The following FAM149B1 variants were observed in gnomAD, a reference collection of about 807,000 sequenced individuals.
FAM149B1 encodes the protein family with sequence similarity 149 member B1, also known as primary cilium assembly protein FAM149B1.
A neutral mutation model predicts 75.3 loss-of-function variants in FAM149B1; 56 were observed. That is an observed-to-expected ratio of 0.74 (90% CI 0.60 to 0.93). FAM149B1 has a LOEUF of 0.93. Ranked by LOEUF, FAM149B1 falls within the 40% of genes least tolerant of loss-of-function variation. FAM149B1 has a pLI of 0.00. For synonymous variants in FAM149B1, 259 were observed against 256.1 expected, an observed-to-expected ratio of 1.01 and a Z score of -0.11; for missense variants, 639 against 708.4, an observed-to-expected ratio of 0.90 and a Z score of 1.11.
Position 73,168,178 on chromosome 10 carries a change from G to T in FAM149B1, c.-162G>T, listed in dbSNP as rs1327292347. Reference sequence around the variant, plus strand: ...GGACTGGAGAGGTGGGGACCCTGGGGAGGTGGCTGCTCGGAGTCTAGGTGA... The same window carrying T: ...GGACTGGAGAGGTGGGGACCCTGGGTAGGTGGCTGCTCGGAGTCTAGGTGA... On this transcript the variant is annotated 5_prime_UTR_variant, in exon 1 of 14. Coordinates refer to ENST00000242505, the MANE Select transcript of FAM149B1 (RefSeq NM_173348.2). 1.2e-5 allele frequency: 8 copies of T among 693,716 alleles called. No homozygotes were observed. In the African/African-American group the frequency reaches 1.3e-4, roughly 12 times the overall value. 43.0% of individuals were successfully genotyped at this position (693,716 alleles called of 1,614,324 possible). A position where few individuals can be genotyped will look rare whatever the true frequency, so the allele number is the denominator to read the frequency against.
chr10:73,172,089 T>TTG (rs1843741355), intron 1 of FAM149B1, among the ~76,000 whole-genome samples: 1 of 144,138 alleles, frequency 6.9e-6, no homozygotes, highest in African/African-American at 2.8e-5. Flanking sequence ...AATGATATTT[T>TTG]TTGTTATCTA....
chr10:73,211,493 T>C (rs1002183561), intron 7 of FAM149B1, among the ~76,000 whole-genome samples: 11 of 152,230 alleles, frequency 7.2e-5, no homozygotes, highest in African/African-American at 2.7e-4. Flanking sequence ...TCTCATGATA[T>C]GATATGGAAT....
intron 13 of FAM149B1, among the ~76,000 whole-genome samples, chr10:73,240,354 G>T (rs981459682): frequency 6.6e-6 from 1 of 152,174 alleles, no homozygotes; most frequent in African/African-American, 2.4e-5. Flanking sequence ...GGTAGTCTTT[G>T]AATGCTTTTG....
intron 10 of FAM149B1, 46 bp from the exon 11 acceptor site, chr10:73,234,771 T>C: frequency 6.5e-7 from 1 of 1,545,262 alleles, no homozygotes; most frequent in Non-Finnish European, 8.7e-7. Context: ...GGTATTGTTA[T>C]AACTTCATGC....
At chr10:73,174,995 T>G (rs981840267) in intron 2 of FAM149B1, among the ~76,000 whole-genome samples, 7 of 152,124 alleles carry the variant, frequency 4.6e-5, no homozygotes, top group Non-Finnish European at 1.0e-4. Context: ...GAAGTAGTAT[T>G]ATAAAGTAGT....
At chr10:73,232,917 G>T (rs1248001747) in intron 9 of FAM149B1, 22 bp from the exon 10 acceptor site, 10 of 1,362,428 alleles carry the variant, frequency 7.3e-6, no homozygotes, top group Non-Finnish European at 1.0e-5. Flanking sequence ...ACTTCATTGT[G>T]GGTTTCTGAT....
intron 3 of FAM149B1, among the ~76,000 whole-genome samples, chr10:73,182,469 C>A (rs1233214590): frequency 6.6e-6 from 1 of 152,182 alleles, no homozygotes; most frequent in Non-Finnish European, 1.5e-5. Flanking sequence ...ACCTTGGCCT[C>A]CCAAAGTGTT....
In FAM149B1 at chr10:73,241,041, A is replaced by T; in HGVS notation, c.*22A>T. 1 of 1,363,352 alleles carries T rather than the reference A, an allele frequency of 7.3e-7. No homozygotes were observed. The highest frequency in any genetic ancestry group is 1.0e-6 in the Non-Finnish European group (1 of 980,020). 84.5% of individuals were successfully genotyped at this position (1,363,352 alleles called of 1,614,324 possible). ...ATAAGGCAAATGAGAAGAATCTATC[A>T]GGCTGCAGGAAACACGAGATTTCAT... On this transcript the variant is annotated 3_prime_UTR_variant, in exon 14 of 14. Transcript: ENST00000242505.
Position 73,168,405 on chromosome 10 carries a change from C to A in FAM149B1, c.47+19C>A. ...TGGAGCTGTGAGTGGACTGCTCAGCCACCCCAGCCGGGGCGGGCGGCGGGC... is the reference window on the plus strand; with the variant it reads ...TGGAGCTGTGAGTGGACTGCTCAGCAACCCCAGCCGGGGCGGGCGGCGGGC... On this transcript the variant is annotated intron_variant, in intron 1 of 13. Transcript: ENST00000242505. The A allele has an allele frequency of 6.5e-7, 1 of 1,549,098 alleles. No individual in the cohort carries two copies. The highest frequency in any genetic ancestry group is 1.4e-5 in the African/African-American group (1 of 72,934).
chr10:73,243,881 G>A lies in FAM149B1; in HGVS notation c.*2862G>A. 1 of 1,614,030 alleles carries A rather than the reference G, an allele frequency of 6.2e-7. No individual in the cohort carries two copies. Among genetic ancestry groups the A allele is most frequent in the East Asian group, 2.2e-5 (1 of 44,860 alleles). On this transcript the variant is annotated 3_prime_UTR_variant, in exon 14 of 14. Coordinates refer to ENST00000242505, the MANE Select transcript of FAM149B1 (RefSeq NM_173348.2). ...TTCAGGCTATCCACGCCTTCATCAA[G>A]CCCCAACTCCTTTCTGCTCATTTCT...
intron 6 of FAM149B1, 93 bp downstream of exon 6, chr10:73,208,879 A>AAT: frequency 2.7e-6 from 2 of 743,102 alleles, no homozygotes; most frequent in Non-Finnish European, 3.8e-6. Context: ...GTATATTATT[A>AAT]AATATATGCC....
At chr10:73,203,564 A>T (rs1468984802) in intron 5 of FAM149B1, among the ~76,000 whole-genome samples, 1 of 152,190 alleles carries the variant, frequency 6.6e-6, no homozygotes, top group Non-Finnish European at 1.5e-5. Flanking sequence ...TATTTAAGGA[A>T]CTCATCCCCA....
chr10:73,169,320 C>T (rs1349022366), intron 1 of FAM149B1, among the ~76,000 whole-genome samples: 3 of 151,754 alleles, frequency 2.0e-5, no homozygotes, highest in Admixed American at 6.6e-5. Context: ...AGTGAAACTC[C>T]GTCTCAAAAT....
In FAM149B1 at chr10:73,177,972, T is replaced by C. The variant is rs1385828003; in HGVS notation, c.279T>C (p.Tyr93=). The change falls in exon 3 of 14, where the codon TAT becomes TAC. Residue 93 remains tyrosine (Y), a synonymous_variant. Transcript: ENST00000242505. ...TEGSSDFSWG[Y]GELDQNATEK... Reference sequence around the variant, plus strand: ...GAAGCTCGGACTTCTCCTGGGGATATGGTGTGAGTTATATGTTATCAGTCT... The same window carrying C: ...GAAGCTCGGACTTCTCCTGGGGATACGGTGTGAGTTATATGTTATCAGTCT... 1 of 1,548,806 alleles carries C rather than the reference T, an allele frequency of 6.5e-7. No homozygotes were observed. Among genetic ancestry groups the C allele is most frequent in the East Asian group, 2.4e-5 (1 of 40,886 alleles).
At chr10:73,188,760 AGG>A (rs2133328097) in intron 3 of FAM149B1, among the ~76,000 whole-genome samples, 1 of 20,238 alleles carries the variant, frequency 4.9e-5, no homozygotes, top group Non-Finnish European at 1.2e-4. Flanking sequence ...GAAGGAGGGA[AGG>A]AAGGAAGGAA....
chr10:73,187,572 T>C (rs1177147467), intron 3 of FAM149B1, among the ~76,000 whole-genome samples: 1 of 142,556 alleles, frequency 7.0e-6, no homozygotes, highest in Non-Finnish European at 1.5e-5. Context: ...TCTACTAAAA[T>C]TACAAAATTA....
rs141358311 is a variant in FAM149B1 at position 73,198,881 on chromosome 10, G to A, written c.542+5288G>A. Among the ~76,000 whole-genome samples, 78 of 152,238 alleles carry A rather than the reference G, an allele frequency of 5.1e-4. 1 individual carries two copies. The highest frequency in any genetic ancestry group is 1.6e-3 in the African/African-American group (67 of 41,526). On this transcript the variant is annotated intron_variant, in intron 5 of 13. Coordinates refer to ENST00000242505, the MANE Select transcript of FAM149B1 (RefSeq NM_173348.2). ...GACGATTCTACACAGATATGCAAAT[G>A]GCCAACAAGTGCCTGAAAAGATGTT...
chr10:73,176,443 G>A (rs1413884722), intron 2 of FAM149B1, among the ~76,000 whole-genome samples: 2 of 152,190 alleles, frequency 1.3e-5, no homozygotes, highest in Non-Finnish European at 2.9e-5. Flanking sequence ...GATAATGTAT[G>A]TAAAACTTGG....
At chr10:73,199,597 C>G (rs1025169388) in intron 5 of FAM149B1, among the ~76,000 whole-genome samples, 1 of 152,078 alleles carries the variant, frequency 6.6e-6, no homozygotes, top group Non-Finnish European at 1.5e-5. Flanking sequence ...CCTCAAACTC[C>G]TGAGCTCAAG....
Sources: allele counts gnomAD v4.1 joint callset (sites outside exome capture counted in the v4.1 genomes callset), GRCh38; gene constraint gnomAD v4.1.1; transcripts MANE v1.5; gene names NCBI Gene and HGNC (gene_info 2026-07-23, HGNC 2026-07-21).